The following SEMA3E variants were observed in gnomAD, a reference collection of about 807,000 sequenced individuals.
SEMA3E encodes semaphorin-3E.
Under a neutral mutation model 93.6 loss-of-function variants are expected in SEMA3E, and 49 were observed. The observed-to-expected ratio is 0.52, with a 90% CI of 0.42 to 0.66. SEMA3E has a LOEUF of 0.66. Ranked by LOEUF, SEMA3E falls within the 30% of genes least tolerant of loss-of-function variation. The pLI, the probability that SEMA3E is intolerant of heterozygous loss-of-function variation, is 0.00. For missense variants in SEMA3E, 906 were observed against 964.8 expected, an observed-to-expected ratio of 0.94 and a Z score of 0.81; for synonymous variants, 363 against 330.7, an observed-to-expected ratio of 1.10 and a Z score of -1.06.
At chr7:83,583,247 C>T (rs1419866146) in intron 1 of SEMA3E, among the ~76,000 whole-genome samples, 2 of 152,006 alleles carry the variant, frequency 1.3e-5, no homozygotes, top group Admixed American at 6.6e-5. Flanking sequence ...AATGATTGTA[C>T]ATATTTATGG....
At chr7:83,616,326 A>C (rs1793366823) in intron 1 of SEMA3E, among the ~76,000 whole-genome samples, 1 of 152,186 alleles carries the variant, frequency 6.6e-6, no homozygotes, top group African/African-American at 2.4e-5. Context: ...TAAGAAAAGT[A>C]AATGTTTTGC....
intron 16 of SEMA3E, among the ~76,000 whole-genome samples, chr7:83,377,255 C>CA (rs1554316954): frequency 6.6e-6 from 1 of 152,072 alleles, no homozygotes; most frequent in Non-Finnish European, 1.5e-5. Flanking sequence ...AACTTTTGCA[C>CA]AAAAAGACTT....
chr7:83,402,052 T>C (rs1584222914), intron 10 of SEMA3E, among the ~76,000 whole-genome samples: 1 of 152,174 alleles, frequency 6.6e-6, no homozygotes. Flanking sequence ...AGAACCTTTG[T>C]ACTCTAGCAA....
At position 83,389,329 on chromosome 7, in the gene SEMA3E, T is replaced by C. The variant is rs1464494932; in HGVS notation, c.1668-2279A>G. Among the ~76,000 whole-genome samples, 7 of 149,524 alleles carry C rather than the reference T, an allele frequency of 4.7e-5. 1 individual carries two copies. The East Asian group carries it at 1.4e-3, about 30-fold the overall frequency. ...AGCAATAATGAATAATGGATAGGAA[T>C]AAAATCAACAAAATGAGAAATGGCT... On this transcript the variant is annotated intron_variant, in intron 14 of 16. Coordinates refer to ENST00000643230, the MANE Select transcript of SEMA3E (RefSeq NM_012431.3).
intron 4 of SEMA3E, among the ~76,000 whole-genome samples, chr7:83,441,842 A>C (rs1789120740): frequency 6.6e-6 from 1 of 152,230 alleles, no homozygotes; most frequent in African/African-American, 2.4e-5. Flanking sequence ...CAGAGAGGAA[A>C]AGGTCTGCAA....
intron 1 of SEMA3E, among the ~76,000 whole-genome samples, chr7:83,540,982 C>CA (rs368270180): frequency 1.3e-4 from 20 of 152,032 alleles, no homozygotes; most frequent in Admixed American, 1.2e-3. Context: ...TTAGATGTCA[C>CA]AAAAAATAAT....
intron 6 of SEMA3E, 102 bp downstream of exon 6, chr7:83,408,266 G>T: frequency 2.3e-6 from 3 of 1,329,254 alleles, no homozygotes; most frequent in East Asian, 2.5e-5. Context: ...ATTTGTAAAG[G>T]AATTGTATTT....
At chr7:83,408,257 T>C in intron 6 of SEMA3E, 111 bp downstream of exon 6, 1 of 1,252,774 alleles carries the variant, frequency 8.0e-7, no homozygotes, top group Non-Finnish European at 1.1e-6. Flanking sequence ...CATTCTGAAA[T>C]TTGTAAAGGA....
intron 1 of SEMA3E, among the ~76,000 whole-genome samples, chr7:83,618,492 A>T (rs1793473740): frequency 1.3e-5 from 2 of 151,994 alleles, no homozygotes; most frequent in African/African-American, 4.8e-5. Flanking sequence ...TGTCCTCAGG[A>T]TGCTTATTAT....
intron 4 of SEMA3E, 87 bp downstream of exon 4, chr7:83,466,395 C>G: frequency 1.3e-6 from 2 of 1,495,184 alleles, no homozygotes; most frequent in Non-Finnish European, 1.9e-6. Flanking sequence ...TTTTATCTTT[C>G]TTGGGAAGAA....
intron 2 of SEMA3E, among the ~76,000 whole-genome samples, chr7:83,474,241 C>T (rs895478783): frequency 3.3e-5 from 5 of 151,880 alleles, no homozygotes; most frequent in Non-Finnish European, 5.9e-5. Context: ...TAGCCAAATC[C>T]ATTTCCTGAT....
intron 4 of SEMA3E, among the ~76,000 whole-genome samples, chr7:83,431,103 A>AAAAAAAAAAAG (rs1562779285): frequency 6.8e-6 from 1 of 147,334 alleles, no homozygotes; most frequent in Non-Finnish European, 1.5e-5. Context: ...AGAAAAAAAA[A>AAAAAAAAAAAG]AAAAGCCCAA....
chr7:83,519,168 G>C (rs1416820016), intron 1 of SEMA3E, among the ~76,000 whole-genome samples: 1 of 149,060 alleles, frequency 6.7e-6, no homozygotes, highest in Non-Finnish European at 1.5e-5. Context: ...TCCCCTTCCT[G>C]TGTCCATGTG....
intron 4 of SEMA3E, among the ~76,000 whole-genome samples, chr7:83,454,272 A>AAAAAATATAT (rs1257792756): frequency 1.8e-5 from 2 of 110,112 alleles, no homozygotes; most frequent in African/African-American, 8.7e-5. Context: ...AAAAAAAAAA[A>AAAAAATATAT]ATATATATAT....
intron 1 of SEMA3E, among the ~76,000 whole-genome samples, chr7:83,514,509 T>TA (rs941663598): frequency 1.6e-4 from 24 of 152,118 alleles, no homozygotes; most frequent in Non-Finnish European, 2.6e-4. Flanking sequence ...CTGTAATTTT[T>TA]AAAAAAGATC....
chr7:83,648,705 T>C lies in SEMA3E; in HGVS notation c.-163A>G. 1 of 693,786 alleles carries C rather than the reference T, an allele frequency of 1.4e-6. No individual in the cohort carries two copies. Among genetic ancestry groups the C allele is most frequent in the Non-Finnish European group, 2.6e-6 (1 of 377,366 alleles). 43.0% of individuals were successfully genotyped at this position (693,786 alleles called of 1,614,324 possible). A position where few individuals can be genotyped will look rare whatever the true frequency, so the allele number is the denominator to read the frequency against. On this transcript the variant is annotated 5_prime_UTR_variant, in exon 1 of 17. Transcript: ENST00000643230. The stretch of plus-strand genomic sequence containing the variant: ...GAAGTGCCATTTGTCAGGCTGTATT[T>C]GGCTATGTAAAACCTTTCTTTCCTC...
At chr7:83,372,947 G>C (rs530748627) in intron 16 of SEMA3E, 1 of 152,128 alleles carries the variant, frequency 6.6e-6, no homozygotes, top group South Asian at 2.1e-4. Context: ...ATCAAATCTT[G>C]ATTACAGAAT....
intron 1 of SEMA3E, among the ~76,000 whole-genome samples, chr7:83,556,845 G>A (rs1037617522): frequency 1.3e-5 from 2 of 152,188 alleles, no homozygotes; most frequent in Admixed American, 6.5e-5. Flanking sequence ...CTTACAAAAG[G>A]GCTGGAGGAG....
At chr7:83,502,207 T>A (rs1005548938) in intron 1 of SEMA3E, among the ~76,000 whole-genome samples, 17 of 152,086 alleles carry the variant, frequency 1.1e-4, no homozygotes, top group African/African-American at 3.6e-4. Flanking sequence ...GACCACTGAA[T>A]GTTCTTCCTA....
Sources: allele counts gnomAD v4.1 joint callset (sites outside exome capture counted in the v4.1 genomes callset), GRCh38; gene constraint gnomAD v4.1.1; transcripts MANE v1.5; gene names NCBI Gene and HGNC (gene_info 2026-07-23, HGNC 2026-07-21).